The following WDFY3 variants were observed in gnomAD, a reference collection of about 807,000 sequenced individuals.
WDFY3 encodes the protein WD repeat and FYVE domain-containing protein 3.
WDFY3 carries 66 observed loss-of-function variants against 409.6 expected under a neutral mutation model. The observed-to-expected ratio is 0.16, with a 90% CI of 0.13 to 0.20. The LOEUF (loss-of-function observed/expected upper bound fraction) is 0.20, where lower values mean the gene tolerates loss of function less well. WDFY3 is among the 10% of genes least tolerant of loss of function. The probability of loss-of-function intolerance (pLI) is 1.00; values close to 1 mark genes in which losing one functional copy is unlikely to be tolerated. For missense variants in WDFY3, 3,031 were observed against 4,298.1 expected (o/e 0.71, Z 8.24); for synonymous variants, 1,521 against 1,537.1 (o/e 0.99, Z 0.25).
intron 1 of WDFY3, among the ~76,000 whole-genome samples, chr4:84,940,854 C>T (rs903936685): frequency 6.6e-6 from 1 of 151,748 alleles, no homozygotes; most frequent in Non-Finnish European, 1.5e-5. Context: ...CCTGGAAATG[C>T]CAGGCTAATT....
At chr4:84,894,742 C>T (rs571059658) in intron 3 of WDFY3, among the ~76,000 whole-genome samples, 1 of 151,570 alleles carries the variant, frequency 6.6e-6, no homozygotes, top group Non-Finnish European at 1.5e-5. Context: ...GCCGAGACTG[C>T]GTCACCGCAC....
At chr4:84,862,801 C>CA (rs1190229754) in intron 3 of WDFY3, among the ~76,000 whole-genome samples, 1 of 152,138 alleles carries the variant, frequency 6.6e-6, no homozygotes, top group African/African-American at 2.4e-5. Flanking sequence ...TCCTGGCTAA[C>CA]ACGGTGAAAC....
chr4:84,712,579 G>A (rs1733108014), intron 51 of WDFY3, among the ~76,000 whole-genome samples: 1 of 151,794 alleles, frequency 6.6e-6, no homozygotes, highest in Non-Finnish European at 1.5e-5. Flanking sequence ...AAATTAGCCA[G>A]GTGTGGTGGC....
intron 36 of WDFY3, among the ~76,000 whole-genome samples, chr4:84,749,296 T>C (rs1187397717): frequency 1.3e-5 from 2 of 152,208 alleles, no homozygotes; most frequent in African/African-American, 4.8e-5. Context: ...CATAGAATGT[T>C]AATATTTCAT....
At chr4:84,798,156 T>C in intron 17 of WDFY3, 48 bp from the exon 18 acceptor site, 1 of 1,434,920 alleles carries the variant, frequency 7.0e-7, no homozygotes, top group Non-Finnish European at 9.6e-7. Context: ...GATTATTATA[T>C]AATTCATTAA....
chr4:84,919,922 G>A (rs980837282), intron 2 of WDFY3, among the ~76,000 whole-genome samples: 1 of 152,002 alleles, frequency 6.6e-6, no homozygotes, highest in African/African-American at 2.4e-5. Flanking sequence ...ACAAATGAAC[G>A]GCAGAACAGT....
At chr4:84,811,583 CA>C (rs1482569464) in intron 13 of WDFY3, among the ~76,000 whole-genome samples, 2 of 152,190 alleles carry the variant, frequency 1.3e-5, no homozygotes, top group Non-Finnish European at 2.9e-5. Context: ...CATTATGCCC[CA>C]AACAGCAAGC....
intron 3 of WDFY3, among the ~76,000 whole-genome samples, 197 bp from the exon 4 acceptor site, chr4:84,860,819 T>A (rs549261415): frequency 1.3e-5 from 2 of 152,338 alleles, no homozygotes; most frequent in South Asian, 2.1e-4. Flanking sequence ...AATCTCAGCA[T>A]TGGAAGTTCT....
intron 36 of WDFY3, among the ~76,000 whole-genome samples, chr4:84,744,650 G>C (rs1193737060): frequency 6.6e-6 from 1 of 151,372 alleles, no homozygotes; most frequent in East Asian, 1.9e-4. Context: ...TCAGGAGATC[G>C]AGGCCATCCC....
chr4:84,828,730 C>G (rs1209735296), intron 9 of WDFY3, among the ~76,000 whole-genome samples: 1 of 152,092 alleles, frequency 6.6e-6, no homozygotes, highest in Non-Finnish European at 1.5e-5. Flanking sequence ...GATCCTGTCT[C>G]TATGGAAAAT....
chr4:84,833,313 T>C (rs1380615522), intron 7 of WDFY3, among the ~76,000 whole-genome samples: 2 of 152,212 alleles, frequency 1.3e-5, no homozygotes, highest in Non-Finnish European at 2.9e-5. Context: ...ATGAAATAAC[T>C]ATAACTCATG....
At chr4:84,818,267 TTCTCACATCAAATATTAATA>T (rs1753596329) in intron 12 of WDFY3, among the ~76,000 whole-genome samples, 1 of 152,118 alleles carries the variant, frequency 6.6e-6, no homozygotes, top group South Asian at 2.1e-4. Flanking sequence ...AGTGATACTG[TTCTCACATCAAATATTAATA>T]TCATCCTCCA....
At chr4:84,870,575 G>A (rs950869159) in intron 3 of WDFY3, among the ~76,000 whole-genome samples, 1 of 152,128 alleles carries the variant, frequency 6.6e-6, no homozygotes. Context: ...CAGAGAAGGG[G>A]AAGAGTGAGT....
At chr4:84,932,049 A>G (rs932436173) in intron 2 of WDFY3, among the ~76,000 whole-genome samples, 12 of 152,194 alleles carry the variant, frequency 7.9e-5, no homozygotes, top group Non-Finnish European at 1.5e-4. Flanking sequence ...GAAACTGAAG[A>G]TAACTTATTC....
intron 51 of WDFY3, among the ~76,000 whole-genome samples, chr4:84,711,308 C>T (rs1202734836): frequency 6.6e-6 from 1 of 152,016 alleles, no homozygotes; most frequent in Non-Finnish European, 1.5e-5. Flanking sequence ...ATGTAAATGT[C>T]AAAAAGCAAA....
intron 60 of WDFY3, 116 bp from the exon 61 acceptor site, chr4:84,690,780 A>C (rs1729131101): frequency 6.3e-5 from 81 of 1,275,954 alleles, no homozygotes; most frequent in East Asian, 7.8e-5. Context: ...ATAGCGGCTC[A>C]TGTTCTGAGC....
At chr4:84,882,822 T>C (rs1175485913) in intron 3 of WDFY3, among the ~76,000 whole-genome samples, 2 of 151,900 alleles carry the variant, frequency 1.3e-5, no homozygotes, top group African/African-American at 4.8e-5. Flanking sequence ...CAAGTGATCC[T>C]CTCACCTCAG....
intron 21 of WDFY3, among the ~76,000 whole-genome samples, chr4:84,792,368 T>C (rs1164039650): frequency 6.6e-6 from 1 of 152,160 alleles, no homozygotes; most frequent in Non-Finnish European, 1.5e-5. Flanking sequence ...AATATGAACA[T>C]ATGGGTGAAA....
chr4:84,935,392 T>G (rs1023923692), intron 1 of WDFY3, among the ~76,000 whole-genome samples: 25 of 152,190 alleles, frequency 1.6e-4, no homozygotes, highest in African/African-American at 5.5e-4. Context: ...AATGCCAACT[T>G]TTTAATGCTG....
Sources: allele counts gnomAD v4.1 joint callset (sites outside exome capture counted in the v4.1 genomes callset), GRCh38; gene constraint gnomAD v4.1.1; transcripts MANE v1.5; gene names NCBI Gene and HGNC (gene_info 2026-07-23, HGNC 2026-07-21).